The following PHLDB2 variants were observed in gnomAD, a reference collection of about 807,000 sequenced individuals.
The protein encoded by PHLDB2 is pleckstrin homology like domain family B member 2, also known as pleckstrin homology-like domain family B member 2.
A neutral mutation model predicts 123.6 loss-of-function variants in PHLDB2; 71 were observed. The observed-to-expected ratio is 0.57, with a 90% confidence interval of 0.47 to 0.70. PHLDB2 has a LOEUF of 0.70. Among genes scored for constraint, PHLDB2 ranks in the 30% least tolerant of loss-of-function variants. The pLI is 0.00. For synonymous variants in PHLDB2, 547 were observed against 541.6 expected, an observed-to-expected ratio of 1.01 and a Z score of -0.14; for missense variants, 1,446 against 1,519.5, an observed-to-expected ratio of 0.95 and a Z score of 0.80.
chr3:111,964,323 G>T (rs2071608871), intron 13 of PHLDB2, among the ~76,000 whole-genome samples: 2 of 151,962 alleles, frequency 1.3e-5, no homozygotes, highest in African/African-American at 4.8e-5. Context: ...ACTACATGAG[G>T]TGATAAATGT....
In PHLDB2 at chr3:111,884,413, C is replaced by T. The variant is rs201350340; in HGVS notation, c.336C>T (p.Leu112=). 1.9e-6 allele frequency: 3 copies of T among 1,614,154 alleles called. No homozygotes were observed. The highest frequency in any genetic ancestry group is 2.7e-5 in the African/African-American group (2 of 75,038). Residue 112 remains leucine (L), a synonymous_variant, in exon 2 of 18, where the codon CTC becomes CTT. Transcript: ENST00000431670. ...CTATGAAACCTCCAACTCCTTTACT[C>T]AACACTACATCCTCCCTCAGTGGAT... ...NIPMKPPTPL[L]NTTSSLSGYP...
intron 1 of PHLDB2, among the ~76,000 whole-genome samples, chr3:111,868,787 G>C (rs2108689546): frequency 6.6e-6 from 1 of 152,266 alleles, no homozygotes; most frequent in Non-Finnish European, 1.5e-5. Flanking sequence ...GGAAACTAAT[G>C]ACACAAAAGT....
intron 1 of PHLDB2, among the ~76,000 whole-genome samples, chr3:111,820,883 T>C (rs1311745835): frequency 6.6e-6 from 1 of 152,224 alleles, no homozygotes; most frequent in Non-Finnish European, 1.5e-5. Context: ...TGTCAGGATA[T>C]TAACACACTT....
intron 1 of PHLDB2, among the ~76,000 whole-genome samples, chr3:111,831,803 G>A (rs2063051088): frequency 6.6e-6 from 1 of 152,094 alleles, no homozygotes; most frequent in Admixed American, 6.6e-5. Flanking sequence ...AGTTTAAGGT[G>A]GGAATAGGCA....
At chr3:111,893,902 T>C (rs930696444) in intron 2 of PHLDB2, among the ~76,000 whole-genome samples, 2 of 147,376 alleles carry the variant, frequency 1.4e-5, no homozygotes, top group African/African-American at 4.9e-5. Flanking sequence ...GGATTTATTT[T>C]TATTTATTTA....
intron 1 of PHLDB2, chr3:111,845,779 A>G: frequency 6.2e-7 from 1 of 1,605,828 alleles, no homozygotes; most frequent in Admixed American, 1.7e-5. Flanking sequence ...AGGTCAATTC[A>G]GCTTTCCAAT....
At chr3:111,795,502 G>A (rs1373141883) in intron 1 of PHLDB2, among the ~76,000 whole-genome samples, 7 of 152,166 alleles carry the variant, frequency 4.6e-5, no homozygotes. Flanking sequence ...CATCTCCAGT[G>A]AGTCACATGG....
intron 2 of PHLDB2, 115 bp downstream of exon 2, chr3:111,885,527 GC>G: frequency 7.8e-7 from 1 of 1,287,488 alleles, no homozygotes; most frequent in Non-Finnish European, 1.1e-6. Context: ...ATGTTCACTA[GC>G]CACAGCTGCT....
chr3:111,811,254 C>T (rs2061823894), intron 1 of PHLDB2, among the ~76,000 whole-genome samples: 1 of 152,270 alleles, frequency 6.6e-6, no homozygotes, highest in East Asian at 1.9e-4. Context: ...ATTAAGGAAC[C>T]TTTCAGGACT....
At chr3:111,903,780 C>T (rs2067336315) in intron 2 of PHLDB2, among the ~76,000 whole-genome samples, 1 of 152,158 alleles carries the variant, frequency 6.6e-6, no homozygotes, top group African/African-American at 2.4e-5. Flanking sequence ...CACATGTTCG[C>T]ACACACATTT....
chr3:111,934,253 A>G (rs184791629), intron 6 of PHLDB2, among the ~76,000 whole-genome samples: 1 of 152,302 alleles, frequency 6.6e-6, no homozygotes, highest in East Asian at 1.9e-4. Flanking sequence ...GACGACCAGT[A>G]TAACTCTTCA....
intron 2 of PHLDB2, chr3:111,911,728 C>T (rs897405195): frequency 6.5e-6 from 10 of 1,535,152 alleles, no homozygotes; most frequent in Middle Eastern, 1.7e-4. Flanking sequence ...AAGGGAGGTG[C>T]GAGCTTGTAG....
chr3:111,762,053 A>G (rs1013541195), intron 1 of PHLDB2, among the ~76,000 whole-genome samples: 4 of 152,144 alleles, frequency 2.6e-5, no homozygotes, highest in African/African-American at 4.8e-5. Flanking sequence ...TGCCCCCCCA[A>G]TCCCATCCGC....
At chr3:111,782,602 C>A (rs751674840) in intron 1 of PHLDB2, among the ~76,000 whole-genome samples, 1 of 152,098 alleles carries the variant, frequency 6.6e-6, no homozygotes, top group Non-Finnish European at 1.5e-5. Flanking sequence ...TGCCAGAGAT[C>A]CTTCCCTGGC....
At chr3:111,968,473 C>T (rs1191802658) in intron 15 of PHLDB2, among the ~76,000 whole-genome samples, 1 of 152,166 alleles carries the variant, frequency 6.6e-6, no homozygotes, top group Non-Finnish European at 1.5e-5. Flanking sequence ...AATCTCTGTT[C>T]TTGTCACTAT....
chr3:111,874,203 C>T (rs542427276), intron 1 of PHLDB2, among the ~76,000 whole-genome samples: 8 of 152,140 alleles, frequency 5.3e-5, no homozygotes, highest in Non-Finnish European at 7.4e-5. Flanking sequence ...TGGGCTCCTT[C>T]ATCATTTCTT....
chr3:111,734,085 AC>A (rs1280953305), intron 1 of PHLDB2, among the ~76,000 whole-genome samples: 4 of 152,216 alleles, frequency 2.6e-5, no homozygotes, highest in Non-Finnish European at 5.9e-5. Flanking sequence ...GTAGACATAA[AC>A]CCTTGTGTGA....
At chr3:111,942,904 C>G (rs2070006592) in intron 8 of PHLDB2, among the ~76,000 whole-genome samples, 1 of 151,524 alleles carries the variant, frequency 6.6e-6, no homozygotes, top group South Asian at 2.1e-4. Context: ...ACACATGAAA[C>G]AAAGTTCAGT....
chr3:111,932,975 C>T (rs2069230849), intron 6 of PHLDB2, among the ~76,000 whole-genome samples: 1 of 152,222 alleles, frequency 6.6e-6, no homozygotes, highest in Admixed American at 6.5e-5. Context: ...TTCATAATTT[C>T]TAAGAACTTA....
Sources: allele counts gnomAD v4.1 joint callset (sites outside exome capture counted in the v4.1 genomes callset), GRCh38; gene constraint gnomAD v4.1.1; transcripts MANE v1.5; gene names NCBI Gene and HGNC (gene_info 2026-07-23, HGNC 2026-07-21).